Variants in ZSCAN5A observed in about 807,000 individuals in gnomAD.
ZSCAN5A encodes zinc finger and SCAN domain containing 5A.
A neutral mutation model predicts 23.7 loss-of-function variants in ZSCAN5A; 12 were observed. The observed-to-expected ratio is 0.51, with a 90% CI of 0.32 to 0.82. The LOEUF is 0.82. Among genes scored for constraint, ZSCAN5A ranks in the 40% least tolerant of loss-of-function variants. The pLI, the probability that ZSCAN5A is intolerant of heterozygous loss-of-function variation, is 0.03. For missense variants in ZSCAN5A, 597 were observed against 617.9 expected (o/e 0.97, Z 0.36); for synonymous variants, 257 against 239.9 (o/e 1.07, Z -0.66).
At chr19:56,310,568 A>G (rs1344452525) in intron 2 of ZSCAN5A, 1 of 152,286 alleles carries the variant, frequency 6.6e-6, no homozygotes, top group Non-Finnish European at 1.5e-5. Flanking sequence ...TGAAGACACT[A>G]CAGCTCAGAG....
intron 2 of ZSCAN5A, chr19:56,296,361 T>C (rs1002924712): frequency 1.3e-5 from 2 of 152,192 alleles, no homozygotes; most frequent in Admixed American, 6.5e-5. Flanking sequence ...AAGTACTGCA[T>C]GGTAAGTCTG....
chr19:56,236,731 A>G (rs1423512973), intron 2 of ZSCAN5A, among the ~76,000 whole-genome samples: 139 of 53,414 alleles, frequency 2.6e-3, no homozygotes, highest in East Asian at 3.8e-3. Flanking sequence ...CTCCACTCCA[A>G]CCTCTGATTG....
intron 4 of ZSCAN5A, among the ~76,000 whole-genome samples, chr19:56,222,998 A>C (rs764457426): frequency 1.3e-5 from 2 of 152,096 alleles, no homozygotes; most frequent in African/African-American, 4.8e-5. Context: ...TTCTCTGAGC[A>C]TATTTCTCCC....
intron 2 of ZSCAN5A, among the ~76,000 whole-genome samples, chr19:56,279,608 C>G (rs1030167326): frequency 2.6e-5 from 4 of 152,214 alleles, no homozygotes; most frequent in African/African-American, 9.7e-5. Context: ...AATCCTCACA[C>G]TGGACCATCA....
At chr19:56,321,898 T>C (rs1600280697) in intron 2 of ZSCAN5A, 3 of 787,762 alleles carry the variant, frequency 3.8e-6, no homozygotes, top group Non-Finnish European at 7.1e-6. Flanking sequence ...CAAGGGCTTC[T>C]GTTACCATCC....
intron 2 of ZSCAN5A, among the ~76,000 whole-genome samples, chr19:56,231,991 C>CTTTTTTTT (rs1357492276): frequency 2.3e-4 from 8 of 34,340 alleles, no homozygotes; most frequent in Admixed American, 7.1e-4. Context: ...TTCTTTTTTT[C>CTTTTTTTT]TTTTCTTTTT....
chr19:56,226,782 G>C (rs2146435926), intron 2 of ZSCAN5A, among the ~76,000 whole-genome samples: 1 of 152,312 alleles, frequency 6.6e-6, no homozygotes, highest in East Asian at 1.9e-4. Context: ...GATAGAGGGA[G>C]GGAGGGTTGA....
chr19:56,356,832 T>C (rs1247016994), intron 2 of ZSCAN5A, among the ~76,000 whole-genome samples: 1 of 148,506 alleles, frequency 6.7e-6, no homozygotes, highest in Admixed American at 6.6e-5. Context: ...TTGTCTTTTA[T>C]ATATACTCCT....
At chr19:56,262,409 AT>A (rs542630700) in intron 2 of ZSCAN5A, among the ~76,000 whole-genome samples, 2,093 of 141,808 alleles carry the variant, frequency 0.015, 41 homozygotes, top group African/African-American at 0.045. Flanking sequence ...CTCGTTTCTA[AT>A]TTTTTTTTTT....
At chr19:56,242,666 C>T (rs997679432) in intron 2 of ZSCAN5A, among the ~76,000 whole-genome samples, 4 of 152,188 alleles carry the variant, frequency 2.6e-5, no homozygotes, top group South Asian at 2.1e-4. Flanking sequence ...GACAGGGCTG[C>T]GTTCTCACAG....
At chr19:56,228,569 C>T (rs2034188206) in intron 2 of ZSCAN5A, among the ~76,000 whole-genome samples, 1 of 151,996 alleles carries the variant, frequency 6.6e-6, no homozygotes, top group South Asian at 2.1e-4. Context: ...GAGTTTTAAC[C>T]ATTTTGGGTC....
chr19:56,351,429 C>G lies in ZSCAN5A; in HGVS notation c.-358+11806G>C, dbSNP rs2041666756. ...TATGGCGGGAGGGCCTGGTTTCTCC[C>G]AGGCTACATGAATAACACACCTGGT... On this transcript the variant is annotated intron_variant, in intron 2 of 6. Coordinates refer to the ZSCAN5A transcript ENST00000587340. This position sits in a 1 kb window ranked among gnomAD's most constrained non-coding sequence, Gnocchi z 4.8. 6.6e-6 allele frequency among the ~76,000 whole-genome samples: 1 copy of G among 152,136 alleles called. No homozygotes were observed. Among genetic ancestry groups the G allele is most frequent in the Non-Finnish European group, 1.5e-5 (1 of 68,022 alleles).
At chr19:56,348,960 C>T (rs939097350) in intron 2 of ZSCAN5A, among the ~76,000 whole-genome samples, 10 of 152,166 alleles carry the variant, frequency 6.6e-5, no homozygotes, top group African/African-American at 2.2e-4. Flanking sequence ...TAGACTACTT[C>T]TCTAGGGCAT....
chr19:56,259,179 A>G lies in ZSCAN5A; in HGVS notation c.-127-34006T>C, dbSNP rs561741463. Among the ~76,000 whole-genome samples the G allele has an allele frequency of 3.9e-5, 6 of 152,184 alleles. No individual in the cohort carries two copies. In the South Asian group the frequency reaches 1.2e-3, roughly 32 times the overall value. On this transcript the variant is annotated intron_variant, in intron 2 of 5. Coordinates refer to ENST00000683990, the MANE Select transcript of ZSCAN5A (RefSeq NM_001322064.3). Reference sequence around the variant, plus strand: ...TACAGCTACAGATAACTGGAACAGCATTGTGTCTTCCCACCCTGTACTTAT... The same window carrying G: ...TACAGCTACAGATAACTGGAACAGCGTTGTGTCTTCCCACCCTGTACTTAT...
At chr19:56,341,716 A>AC (rs1555813078) in intron 2 of ZSCAN5A, among the ~76,000 whole-genome samples, 1 of 150,864 alleles carries the variant, frequency 6.6e-6, no homozygotes, top group East Asian at 1.9e-4. Flanking sequence ...AAAAAAAAAA[A>AC]AAAAAAAAAA....
intron 2 of ZSCAN5A, among the ~76,000 whole-genome samples, chr19:56,250,407 A>G (rs2036255345): frequency 3.9e-5 from 6 of 152,212 alleles, no homozygotes. Flanking sequence ...CGCTTCATTT[A>G]CTGTAACCTC....
intron 2 of ZSCAN5A, among the ~76,000 whole-genome samples, chr19:56,339,307 C>T (rs1280890769): frequency 5.3e-5 from 8 of 152,172 alleles, no homozygotes; most frequent in Non-Finnish European, 7.3e-5. Context: ...CGGCTGTAGC[C>T]GCATTTAGCA....
At chr19:56,287,872 C>T (rs762836569) in intron 2 of ZSCAN5A, among the ~76,000 whole-genome samples, 6 of 152,216 alleles carry the variant, frequency 3.9e-5, no homozygotes, top group Non-Finnish European at 8.8e-5. Context: ...TATAAGCCCT[C>T]TAAGAGGTGT....
At position 56,252,703 on chromosome 19, in the gene ZSCAN5A, G is replaced by A. The variant is rs79320656; in HGVS notation, c.-127-27530C>T. ...TTTAATAATCCCAAGGAAAGAGCAA[G>A]TCAAAAGTGGAGGTATGAACCTCAA... On this transcript the variant is annotated intron_variant, in intron 2 of 5. Transcript: ENST00000683990. Among the ~76,000 whole-genome samples the A allele has an allele frequency of 7.5e-3, 1,144 of 152,330 alleles. 15 individuals carry two copies. The highest frequency in any genetic ancestry group is 0.026 in the African/African-American group (1,066 of 41,572).
Sources: allele counts gnomAD v4.1 joint callset (sites outside exome capture counted in the v4.1 genomes callset), GRCh38; gene constraint gnomAD v4.1.1; non-coding constraint Gnocchi (gnomAD v3.1); transcripts MANE v1.5; gene names NCBI Gene and HGNC (gene_info 2026-07-23, HGNC 2026-07-21).